The following ARHGEF1 variants were observed in gnomAD, a reference collection of about 807,000 sequenced individuals.
ARHGEF1 encodes the protein Rho guanine nucleotide exchange factor 1.
A neutral mutation model predicts 119.7 loss-of-function variants in ARHGEF1; 40 were observed. The ratio of observed to expected loss-of-function variants is 0.33; its 90% CI spans 0.26 to 0.44. The LOEUF (loss-of-function observed/expected upper bound fraction) is 0.44, where lower values mean the gene tolerates loss of function less well. ARHGEF1 is among the 20% of genes least tolerant of loss of function. ARHGEF1 has a pLI of 1.00. For synonymous variants in ARHGEF1, 494 were observed against 521.0 expected (o/e 0.95, Z 0.71); for missense variants, 976 against 1,268.3 (o/e 0.77, Z 3.50).
At position 41,917,530 on chromosome 19, in the gene ARHGEF1, A is replaced by AT. The variant is rs576333953; in HGVS notation, c.1866-5552dup. On this transcript the variant is annotated intron_variant, in intron 18 of 20. Coordinates refer to the ARHGEF1 transcript ENST00000599589. This position sits in a 1 kb window ranked among gnomAD's most constrained non-coding sequence, Gnocchi z 4.8. ...ATCTGCACAATCGGAATGAAAATTG[A>AT]TTTTTTTTTTAAATTTCATATCTTC... 1.5e-3 allele frequency among the ~76,000 whole-genome samples: 203 copies of AT among 138,508 alleles called. 1 individual carries two copies. In the Middle Eastern group the frequency reaches 0.018, roughly 13 times the overall value. 90.9% of individuals were successfully genotyped at this position (138,508 alleles called of 152,430 possible).
In ARHGEF1 at chr19:41,894,437, C is replaced by A. The variant is rs944286916; in HGVS notation, c.745-14C>A. 6.5e-6 allele frequency: 10 copies of A among 1,544,528 alleles called. No homozygotes were observed. In the East Asian group the frequency reaches 6.8e-5, roughly 10 times the overall value. On this transcript the variant is annotated splice_polypyrimidine_tract_variant and intron_variant, in intron 9 of 28. Transcript: ENST00000354532. ...GAGATGCTTAGCCTGGTCTTCCTCC[C>A]CGCCCTCTCACAGGTGATGGGGAAC...
downstream of ARHGEF1, chr19:41,910,064 T>C: frequency 1.2e-6 from 2 of 1,613,360 alleles, no homozygotes; most frequent in Non-Finnish European, 1.7e-6. This position sits in a 1 kb window ranked among gnomAD's most constrained non-coding sequence, Gnocchi z 4.4. Context: ...AGGGGATGAC[T>C]CTGGCTTGTA....
downstream of ARHGEF1, chr19:41,908,499 G>A (rs555712600): frequency 4.0e-3 from 4,948 of 1,231,662 alleles, 14 homozygotes; most frequent in Non-Finnish European, 4.7e-3. This position sits in a 1 kb window ranked among gnomAD's most constrained non-coding sequence, Gnocchi z 6.7. Flanking sequence ...TGCCCCTGAC[G>A]AGGGCAGGTG....
intron 1 of ARHGEF1, chr19:41,884,440 C>T (rs1555844876): frequency 6.2e-7 from 1 of 1,604,592 alleles, no homozygotes; most frequent in Non-Finnish European, 8.5e-7. Context: ...GGAGCCCGAG[C>T]GCGGAGGCTT....
downstream of ARHGEF1, among the ~76,000 whole-genome samples, chr19:41,911,291 G>A (rs2074749970): frequency 6.6e-6 from 1 of 152,162 alleles, no homozygotes; most frequent in Admixed American, 6.5e-5. Context: ...TCACTCTTAT[G>A]CCACATCCTC....
Position 41,906,705 on chromosome 19 carries a change from G to A in ARHGEF1, c.2658G>A (p.Glu886=). ...ATCCATGACCCCCACCCCACCAGGA[G>A]TTGGAGGAGGAATTTTGCCGCCTGA... The part of the protein sequence containing the change: ...SLEETMKQLE[E]LEEEFCRLRP... The change falls in exon 28 of 29, where the codon GAG becomes GAA. Residue 886 remains glutamate (E), a splice_region_variant and synonymous_variant. Transcript: ENST00000354532. This position sits in a 1 kb window ranked among gnomAD's most constrained non-coding sequence, Gnocchi z 4.5. 6.2e-7 allele frequency: 1 copy of A among 1,608,576 alleles called. No individual in the cohort carries two copies.
In ARHGEF1 at chr19:41,905,736, T is replaced by G. The variant is rs1555850027; in HGVS notation, c.2337-24T>G. The G allele has an allele frequency of 6.2e-7, 1 of 1,612,918 alleles. No homozygotes were observed. Among genetic ancestry groups the G allele is most frequent in the Admixed American group, 1.7e-5 (1 of 59,978 alleles). On this transcript the variant is annotated intron_variant, in intron 24 of 28. Coordinates refer to ENST00000354532, the MANE Select transcript of ARHGEF1 (RefSeq NM_004706.4). The surrounding 1 kb of genome is among the most constrained non-coding windows in gnomAD (Gnocchi z 6.4). ...GCCCCCCAGGGCCAGGGGTGTGGGG[T>G]CACCCAGCACTTCCTCCCCTCAGCA...
At chr19:41,922,222 G>A (rs2074846637), upstream of ARHGEF1, among the ~76,000 whole-genome samples, 2 of 152,234 alleles carry the variant, frequency 1.3e-5, no homozygotes, top group Admixed American at 1.3e-4. Flanking sequence ...AGAGCCCGGG[G>A]CTTGGCACCA....
chr19:41,902,811 C>T lies in ARHGEF1; in HGVS notation c.1651C>T (p.Arg551Cys), dbSNP rs2074625941. Reference protein sequence around the residue: ...QEAESRPRCRRLQLKDMIPTE... With the variant: ...QEAESRPRCRCLQLKDMIPTE... ...AGCTGAGAGCCGCCCGCGGTGCCGC[C>T]GCCTGCAGCTGAAGGACATGATCCC... Residue 551 changes from arginine to cysteine, a missense_variant, in exon 18 of 29, where the codon CGC (arginine) becomes TGC (cysteine). Around this residue, in one of 3 missense-constraint regions of ARHGEF1, gnomAD observed 286 missense variants for 506.8 expected, o/e 0.56. Transcript: ENST00000354532. The surrounding 1 kb of genome is among the most constrained non-coding windows in gnomAD (Gnocchi z 6.5). The T allele has an allele frequency of 6.2e-7, 1 of 1,612,974 alleles. No individual in the cohort carries two copies. The highest frequency in any genetic ancestry group is 8.5e-7 in the Non-Finnish European group (1 of 1,180,016).
At chr19:41,922,366 G>C (rs1372418303), upstream of ARHGEF1, among the ~76,000 whole-genome samples, 1 of 152,206 alleles carries the variant, frequency 6.6e-6, no homozygotes, top group African/African-American at 2.4e-5. Flanking sequence ...GGAGGGCAAA[G>C]AGACAGGGTC....
At chr19:41,894,707 G>C in intron 11 of ARHGEF1, 46 bp downstream of exon 11, 2 of 1,608,188 alleles carry the variant, frequency 1.2e-6, no homozygotes, top group Non-Finnish European at 1.7e-6. Context: ...GCCTGTGTGG[G>C]AGAGGCTAGG....
At position 41,893,290 on chromosome 19, in the gene ARHGEF1, G is replaced by C. The variant is rs781883939; in HGVS notation, c.631G>C (p.Asp211His). The C allele has an allele frequency of 6.2e-7, 1 of 1,610,438 alleles. No individual in the cohort carries two copies. The highest frequency in any genetic ancestry group is 1.1e-5 in the South Asian group (1 of 90,552). Residue 211 changes from aspartate to histidine, a missense_variant, in exon 8 of 29, where the codon GAC becomes CAC. This residue lies in a region of ARHGEF1 where 519 missense variants were observed against 580.9 expected (regional missense o/e 0.89). Transcript: ENST00000354532. ...LEEMQHTIST[D>H]EEKSAAVVNA... ...CTCCTACAGACATACCATCTCTACCGACGAAGAAAAGAGGTGAGGGGGGCA... is the reference window on the plus strand; with the variant it reads ...CTCCTACAGACATACCATCTCTACCCACGAAGAAAAGAGGTGAGGGGGGCA...
intron 11 of ARHGEF1, among the ~76,000 whole-genome samples, chr19:41,894,955 G>A (rs1156879329): frequency 3.6e-5 from 4 of 110,488 alleles, no homozygotes; most frequent in Non-Finnish European, 6.0e-5. Flanking sequence ...GAGGGAGGGA[G>A]GCCTGGGGCC....
intron 12 of ARHGEF1, among the ~76,000 whole-genome samples, chr19:41,895,870 T>G (rs1215280521): frequency 6.6e-6 from 1 of 152,158 alleles, no homozygotes; most frequent in Non-Finnish European, 1.5e-5. Context: ...TCACCATCCT[T>G]ACACTGCTGT....
upstream of ARHGEF1, among the ~76,000 whole-genome samples, chr19:41,922,657 C>T (rs1322431530): frequency 1.5e-5 from 2 of 133,056 alleles, no homozygotes; most frequent in Non-Finnish European, 3.2e-5. Context: ...GGGCAAGGGG[C>T]GGGGCCTGGG....
rs782641946 is a variant in ARHGEF1, at chr19:41,896,471, C to T, written c.1110C>T (p.Ala370=). 23 of 1,485,680 alleles carry T rather than the reference C, an allele frequency of 1.5e-5. No individual in the cohort carries two copies. The highest frequency in any genetic ancestry group is 8.4e-5 in the South Asian group (6 of 71,126). The allele number at this position is 1,485,680 out of a possible 1,614,324, so 92.0% of individuals were successfully genotyped here. The change falls in exon 13 of 29, where the codon GCC becomes GCT. Residue 370 remains alanine (A), a synonymous_variant. Coordinates refer to ENST00000354532, the MANE Select transcript of ARHGEF1 (RefSeq NM_004706.4). ...LAPPESTDEG[A]ETESPEPGDE... ...CCCCAGAGAGTACCGACGAGGGGGCCGAAACCGAGAGGTGCCCAGGCTGGG... is the reference window on the plus strand; with the variant it reads ...CCCCAGAGAGTACCGACGAGGGGGCTGAAACCGAGAGGTGCCCAGGCTGGG...
In ARHGEF1 at chr19:41,905,627, C is replaced by A; in HGVS notation, c.2337-133C>A. On this transcript the variant is annotated intron_variant, in intron 24 of 28. Coordinates refer to ENST00000354532, the MANE Select transcript of ARHGEF1 (RefSeq NM_004706.4). This position sits in a 1 kb window ranked among gnomAD's most constrained non-coding sequence, Gnocchi z 6.4. ...TCCATTGTCTGGGCCTCTCTGTCTC[C>A]CTGTCTCCCGGCCTCGACCTCTGTC... 1.1e-6 allele frequency: 1 copy of A among 885,538 alleles called. No individual in the cohort carries two copies. The highest frequency in any genetic ancestry group is 1.7e-6 in the Non-Finnish European group (1 of 578,480). 54.9% of individuals were successfully genotyped at this position (885,538 alleles called of 1,614,324 possible). A position where few individuals can be genotyped will look rare whatever the true frequency, so the allele number is the denominator to read the frequency against.
intron 7 of ARHGEF1, 65 bp from the exon 8 acceptor site, chr19:41,893,209 A>C: frequency 6.2e-7 from 1 of 1,602,732 alleles, no homozygotes; most frequent in Non-Finnish European, 8.5e-7. Context: ...CCTGAGATGT[A>C]TCCTGGGTGG....
At chr19:41,912,527 C>T (rs577406063) in intron 18 of ARHGEF1, among the ~76,000 whole-genome samples, 11 of 152,354 alleles carry the variant, frequency 7.2e-5, no homozygotes, top group Admixed American at 4.6e-4. Flanking sequence ...CTCTTTTCCC[C>T]GCAGGTCCTG....
Sources: gnomAD v4.1 joint callset for allele counts (sites outside exome capture counted in the v4.1 genomes callset) on GRCh38, gnomAD v4.1.1 for gene constraint, gnomAD v4.1.1 regional missense constraint, Gnocchi (gnomAD v3.1) non-coding constraint, MANE v1.5 for transcripts, NCBI Gene and HGNC (gene_info 2026-07-23, HGNC 2026-07-21) for gene names.